NT5DC3: variants seen among roughly 807,000 people sequenced by gnomAD.
The protein encoded by NT5DC3 is 5'-nucleotidase domain-containing protein 3.
NT5DC3 carries 42 observed loss-of-function variants against 67.8 expected under a neutral mutation model. The ratio of observed to expected loss-of-function variants is 0.62; its 90% CI spans 0.48 to 0.80. The LOEUF (loss-of-function observed/expected upper bound fraction) is 0.80. NT5DC3 is among the 30% of genes least tolerant of loss of function. The pLI, the probability that NT5DC3 is intolerant of heterozygous loss-of-function variation, is 0.00. For missense variants in NT5DC3, 570 were observed against 696.4 expected, an observed-to-expected ratio of 0.82 and a Z score of 2.04; for synonymous variants, 237 against 255.6, an observed-to-expected ratio of 0.93 and a Z score of 0.69.
the NT5DC3 span, chr12:103,762,326 T>C: frequency 6.2e-7 from 1 of 1,614,222 alleles, no homozygotes; most frequent in East Asian, 2.2e-5. Flanking sequence ...ATCATCCTGG[T>C]GACTGGGGCT....
intron 12 of NT5DC3, 106 bp from the exon 13 acceptor site, chr12:103,780,470 T>G: frequency 3.0e-6 from 3 of 986,572 alleles, no homozygotes; most frequent in Non-Finnish European, 4.8e-6. Flanking sequence ...TTTTATTCCC[T>G]TACATCTCAG....
chr12:103,810,571 T>A (rs183562613), intron 2 of NT5DC3, among the ~76,000 whole-genome samples: 2 of 152,286 alleles, frequency 1.3e-5, no homozygotes, highest in East Asian at 3.9e-4. Context: ...TGACTTAGGG[T>A]TTTTATTAAA....
intron 1 of NT5DC3, among the ~76,000 whole-genome samples, chr12:103,833,601 C>T (rs1888021767): frequency 6.6e-6 from 1 of 151,970 alleles, no homozygotes; most frequent in South Asian, 2.1e-4. Flanking sequence ...AATCTTTCAA[C>T]ACCCTATAAA....
At chr12:103,833,791 C>T (rs1057167569) in intron 1 of NT5DC3, among the ~76,000 whole-genome samples, 1 of 151,604 alleles carries the variant, frequency 6.6e-6, no homozygotes, top group Non-Finnish European at 1.5e-5. Flanking sequence ...AGTAGGAAGG[C>T]TTCCATTCTG....
intron 5 of NT5DC3, 23 bp from the exon 6 acceptor site, chr12:103,797,054 G>A (rs563465276): frequency 2.4e-5 from 38 of 1,613,628 alleles, no homozygotes; most frequent in South Asian, 2.0e-4. Context: ...TGGAAGGAAT[G>A]CTTTAGAAAC....
intron 1 of NT5DC3, among the ~76,000 whole-genome samples, chr12:103,837,355 T>TC (rs965100429): frequency 6.6e-6 from 1 of 152,232 alleles, no homozygotes; most frequent in African/African-American, 2.4e-5. Context: ...AGAGACATTT[T>TC]CCCCATGGTC....
chr12:103,806,454 C>G (rs867493841), intron 3 of NT5DC3, 77 bp from the exon 4 acceptor site: 1 of 1,015,078 alleles, frequency 9.9e-7, no homozygotes, highest in African/African-American at 1.6e-5. Context: ...CAGGTGTCAT[C>G]ATATATCCTA....
At chr12:103,840,371 CGCACAGCTCA>C (rs1888330615) in intron 1 of NT5DC3, among the ~76,000 whole-genome samples, 1 of 113,068 alleles carries the variant, frequency 8.8e-6, no homozygotes, top group African/African-American at 3.0e-5. Flanking sequence ...TTTCAAACAC[CGCACAGCTCA>C]TCTCATCTCA....
chr12:103,787,377 T>C (rs1041554325), intron 11 of NT5DC3, 64 bp downstream of exon 11: 2 of 752,566 alleles, frequency 2.7e-6, no homozygotes, highest in African/African-American at 3.5e-5. Flanking sequence ...AAATAAAAGA[T>C]ACATTCTTTA....
chr12:103,835,715 A>G (rs1208721781), intron 1 of NT5DC3, among the ~76,000 whole-genome samples: 1 of 152,204 alleles, frequency 6.6e-6, no homozygotes, highest in African/African-American at 2.4e-5. Flanking sequence ...CCATATCGCA[A>G]TGGAGGAAAC....
intron 1 of NT5DC3, among the ~76,000 whole-genome samples, chr12:103,822,885 T>C (rs1887548262): frequency 6.6e-6 from 1 of 152,180 alleles, no homozygotes; most frequent in African/African-American, 2.4e-5. Flanking sequence ...TTTTGTTGCA[T>C]TGATATTAAT....
chr12:103,831,633 G>A (rs901971037), intron 1 of NT5DC3, among the ~76,000 whole-genome samples: 3 of 152,108 alleles, frequency 2.0e-5, no homozygotes, highest in Admixed American at 6.5e-5. Context: ...GGTTTTATAG[G>A]AGAGTCTCCA....
chr12:103,759,121 CT>C, the NT5DC3 span: 1 of 1,614,118 alleles, frequency 6.2e-7, no homozygotes, highest in South Asian at 1.1e-5. Flanking sequence ...TGTGTTTCTC[CT>C]TTTTTCTCAG....
At chr12:103,787,559 T>C (rs371459203) in intron 10 of NT5DC3, 32 bp from the exon 11 acceptor site, 7 of 1,278,128 alleles carry the variant, frequency 5.5e-6, no homozygotes, top group Non-Finnish European at 6.7e-6. Context: ...GTTATTATTA[T>C]TACAGATAGA....
intron 5 of NT5DC3, 43 bp from the exon 6 acceptor site, chr12:103,797,074 C>G (rs774563877): frequency 2.5e-6 from 4 of 1,610,988 alleles, no homozygotes; most frequent in African/African-American, 1.3e-5. Context: ...CAGGGGCCCA[C>G]GCAAGGGACA....
At chr12:103,806,232 C>T (rs1042773476) in intron 4 of NT5DC3, 90 bp downstream of exon 4, 9 of 798,904 alleles carry the variant, frequency 1.1e-5, no homozygotes, top group Middle Eastern at 2.2e-4. Context: ...CACACTGCAG[C>T]CCTCTTCATC....
chr12:103,834,178 T>G (rs1888050401), intron 1 of NT5DC3, among the ~76,000 whole-genome samples: 1 of 151,974 alleles, frequency 6.6e-6, no homozygotes, highest in Non-Finnish European at 1.5e-5. Flanking sequence ...CAGCTCCCAC[T>G]GAGAACCACT....
chr12:103,758,707 A>C, the NT5DC3 span, among the ~76,000 whole-genome samples: 2,366 of 152,336 alleles, frequency 0.016, 21 homozygotes, highest in Non-Finnish European at 0.025. Context: ...GGGTGCAGGG[A>C]GTGGGGAAGA....
chr12:103,793,935 A>G lies in NT5DC3; in HGVS notation c.814+2T>C. 6.2e-7 allele frequency: 1 copy of G among 1,608,838 alleles called. No individual in the cohort carries two copies. The highest frequency in any genetic ancestry group is 8.5e-7 in the Non-Finnish European group (1 of 1,175,210). On this transcript the variant is annotated splice_donor_variant, in intron 7 of 13. Coordinates refer to ENST00000392876, the MANE Select transcript of NT5DC3 (RefSeq NM_001031701.3). LOFTEE classifies it high-confidence loss of function. ...CTCTTCGTGATACTGCTGAGCACAT[A>G]CCAATGTCTGCTTCAATTGCTCTGT...
Sources: allele counts gnomAD v4.1 joint callset (sites outside exome capture counted in the v4.1 genomes callset), GRCh38; gene constraint gnomAD v4.1.1; transcripts MANE v1.5; gene names NCBI Gene and HGNC (gene_info 2026-07-23, HGNC 2026-07-21).